The following SATL1 variants were observed in gnomAD, a reference collection of about 807,000 sequenced individuals.
SATL1 encodes the protein spermidine/spermine N(1)-acetyltransferase-like protein 1.
A neutral mutation model predicts 51.8 loss-of-function variants in SATL1; 47 were observed. The ratio of observed to expected loss-of-function variants is 0.91; its 90% CI spans 0.72 to 1.16. The LOEUF is 1.16. Ranked by LOEUF, SATL1 falls within the 50% of genes most tolerant of loss-of-function variation. The probability of loss-of-function intolerance (pLI) is 0.00; values close to 1 mark genes in which losing one functional copy is unlikely to be tolerated. For missense variants in SATL1, 520 were observed against 526.4 expected, an observed-to-expected ratio of 0.99 and a Z score of 0.12; for synonymous variants, 176 against 182.4, an observed-to-expected ratio of 0.97 and a Z score of 0.28.
intron 7 of SATL1, chrX:85,092,859 C>A: frequency 3.1e-6 from 1 of 319,831 alleles, no homozygotes; most frequent in Non-Finnish European, 5.4e-6. Flanking sequence ...GAAGATCTTG[C>A]TTTTATAGTC....
intron 1 of SATL1, among the ~76,000 whole-genome samples, chrX:85,229,646 G>A (rs1202193148): frequency 9.0e-6 from 1 of 110,864 alleles, no homozygotes; most frequent in Non-Finnish European, 1.9e-5. Context: ...CAACAGATCA[G>A]TTATAGAAGA....
chrX:85,172,829 G>A (rs1014347522), intron 2 of SATL1, among the ~76,000 whole-genome samples: 2 of 110,833 alleles, frequency 1.8e-5, no homozygotes, highest in Non-Finnish European at 3.8e-5. Context: ...TGGTTACAGG[G>A]TTATTAGCTG....
chrX:85,200,123 TATAA>T (rs1390915052), intron 2 of SATL1, among the ~76,000 whole-genome samples: 4 of 111,219 alleles, frequency 3.6e-5, no homozygotes, highest in African/African-American at 1.3e-4. Context: ...AATGAATAAG[TATAA>T]ATGACCAGAA....
chrX:85,141,704 A>G (rs1010771044), intron 2 of SATL1, among the ~76,000 whole-genome samples: 4 of 110,863 alleles, frequency 3.6e-5, no homozygotes, highest in Non-Finnish European at 7.5e-5. Flanking sequence ...TAACAACAAT[A>G]ATAATTACAA....
At chrX:85,178,054 A>G (rs1314836238) in intron 2 of SATL1, among the ~76,000 whole-genome samples, 1 of 111,757 alleles carries the variant, frequency 8.9e-6, no homozygotes, top group Admixed American at 9.5e-5. Flanking sequence ...ATCATATTTT[A>G]GATTTCCTTA....
chrX:85,239,200 ATAT>A (rs1928537141), intron 1 of SATL1, among the ~76,000 whole-genome samples: 1 of 112,006 alleles, frequency 8.9e-6, no homozygotes, highest in African/African-American at 3.2e-5. Context: ...AAGCCCAGAC[ATAT>A]TATATTCAAA....
intron 4 of SATL1, among the ~76,000 whole-genome samples, chrX:85,096,809 CA>C (rs1474034124): frequency 9.6e-6 from 1 of 104,243 alleles, no homozygotes; most frequent in Non-Finnish European, 1.9e-5. Context: ...AACTGTCCTT[CA>C]AAATGAGGGA....
At chrX:85,094,413 A>T (rs1488818279) in intron 5 of SATL1, among the ~76,000 whole-genome samples, 184 bp from the exon 6 acceptor site, 1 of 111,883 alleles carries the variant, frequency 8.9e-6, no homozygotes, top group African/African-American at 3.3e-5. Flanking sequence ...AACCTTTAAG[A>T]TATAAGCCCT....
chrX:85,145,284 C>A (rs1168832637), intron 2 of SATL1, among the ~76,000 whole-genome samples: 1 of 111,375 alleles, frequency 9.0e-6, no homozygotes, highest in Non-Finnish European at 1.9e-5. Flanking sequence ...GTCAAATTTA[C>A]TAATTATGCT....
chrX:85,157,515 C>T (rs1926625872), intron 2 of SATL1, among the ~76,000 whole-genome samples: 1 of 111,220 alleles, frequency 9.0e-6, no homozygotes, highest in Admixed American at 9.6e-5. Flanking sequence ...AGGTAGGAGA[C>T]ACCTTTCTTT....
intron 2 of SATL1, among the ~76,000 whole-genome samples, chrX:85,194,303 C>A (rs754247432): frequency 1.8e-4 from 20 of 111,472 alleles, no homozygotes; most frequent in African/African-American, 5.5e-4. Context: ...ATCAGATCTG[C>A]ATTTTAGAAA....
intron 1 of SATL1, among the ~76,000 whole-genome samples, chrX:85,237,257 A>G (rs1420381567): frequency 3.6e-5 from 4 of 111,435 alleles, no homozygotes; most frequent in Non-Finnish European, 7.6e-5. Context: ...TTAAGCAAAA[A>G]GAACAAAACT....
intron 2 of SATL1, among the ~76,000 whole-genome samples, chrX:85,214,515 G>A (rs1464096871): frequency 1.8e-5 from 2 of 110,949 alleles, no homozygotes; most frequent in Non-Finnish European, 3.8e-5. Context: ...ACCCCTGAAC[G>A]CCTAAGTATC....
chrX:85,202,763 C>A (rs1465589393), intron 2 of SATL1, among the ~76,000 whole-genome samples: 1 of 111,790 alleles, frequency 8.9e-6, no homozygotes, highest in Non-Finnish European at 1.9e-5. Flanking sequence ...GGAGGGTATG[C>A]GGGGCCTAAG....
intron 2 of SATL1, among the ~76,000 whole-genome samples, chrX:85,199,896 G>A (rs1320920858): frequency 2.7e-5 from 3 of 111,146 alleles, no homozygotes; most frequent in Admixed American, 9.6e-5. Context: ...AGCACAACAC[G>A]GTGACTACAG....
intron 4 of SATL1, among the ~76,000 whole-genome samples, chrX:85,097,523 G>A: frequency 9.0e-6 from 1 of 110,854 alleles, no homozygotes; most frequent in Non-Finnish European, 1.9e-5. Context: ...GGTATTTTTA[G>A]TAGAGATGGG....
At chrX:85,147,782 C>T (rs1477821178) in intron 2 of SATL1, among the ~76,000 whole-genome samples, 2 of 111,914 alleles carry the variant, frequency 1.8e-5, no homozygotes, top group African/African-American at 3.3e-5. Flanking sequence ...AGAAGGGAAA[C>T]TAACAAACAG....
intron 6 of SATL1, 103 bp downstream of exon 6, chrX:85,094,025 C>T (rs1924607164): frequency 2.3e-6 from 1 of 429,963 alleles, no homozygotes; most frequent in Non-Finnish European, 4.1e-6. Context: ...CAATAAGTTA[C>T]ATTAACTAAA....
Position 85,095,410 on chromosome X carries a change from G to A in SATL1, c.1694-414C>T, listed in dbSNP as rs183737262. Among the ~76,000 whole-genome samples, 4 of 111,912 alleles carry A rather than the reference G, an allele frequency of 3.6e-5. No homozygotes were observed. In the Admixed American group the frequency reaches 3.8e-4, roughly 11 times the overall value. On this transcript the variant is annotated intron_variant, in intron 4 of 7. Coordinates refer to ENST00000644105, the MANE Select transcript of SATL1 (RefSeq NM_001367857.2). ...GACGACTTGGAGGTTAACTGCCATT[G>A]TTCCAACCCCCACGAGCTGAAGTGG...
Sources: allele counts gnomAD v4.1 joint callset (sites outside exome capture counted in the v4.1 genomes callset), GRCh38; gene constraint gnomAD v4.1.1; transcripts MANE v1.5; gene names NCBI Gene and HGNC (gene_info 2026-07-23, HGNC 2026-07-21).